Variants in MTUS2 observed in about 807,000 individuals in gnomAD.
The protein encoded by MTUS2 is microtubule-associated tumor suppressor candidate 2.
A neutral mutation model predicts 114.1 loss-of-function variants in MTUS2; 40 were observed. The ratio of observed to expected loss-of-function variants is 0.35; its 90% CI spans 0.27 to 0.46. The LOEUF is 0.46. Ranked by LOEUF, MTUS2 falls within the 20% of genes least tolerant of loss-of-function variation. The pLI, the probability that MTUS2 is intolerant of heterozygous loss-of-function variation, is 1.00. For synonymous variants in MTUS2, 688 were observed against 672.0 expected, an observed-to-expected ratio of 1.02 and a Z score of -0.37; for missense variants, 1,679 against 1,705.4, an observed-to-expected ratio of 0.98 and a Z score of 0.27.
chr13:29,213,808 G>A (rs1272973109), intron 5 of MTUS2, among the ~76,000 whole-genome samples: 1 of 152,004 alleles, frequency 6.6e-6, no homozygotes, highest in Non-Finnish European at 1.5e-5. Context: ...TACATTTGAT[G>A]TTATTACTGA....
chr13:29,182,677 A>G (rs1331169436), intron 5 of MTUS2, among the ~76,000 whole-genome samples: 2 of 152,244 alleles, frequency 1.3e-5, no homozygotes, highest in Non-Finnish European at 2.9e-5. Context: ...AGTAATAAAT[A>G]TAATAAATAA....
chr13:29,470,164 G>A (rs1880173078), intron 9 of MTUS2, among the ~76,000 whole-genome samples: 3 of 152,094 alleles, frequency 2.0e-5, no homozygotes, highest in Admixed American at 1.3e-4. Flanking sequence ...CGCACTGGGG[G>A]AGTTTAATAA....
chr13:29,491,819 GGT>G (rs151170147), intron 11 of MTUS2, among the ~76,000 whole-genome samples: 31 of 142,054 alleles, frequency 2.2e-4, no homozygotes, highest in Admixed American at 7.7e-4. Context: ...GTGTGGGGTA[GGT>G]GTGTGTGTGT....
chr13:29,051,036 T>G (rs1033345889), intron 4 of MTUS2, among the ~76,000 whole-genome samples: 3 of 152,214 alleles, frequency 2.0e-5, no homozygotes, highest in African/African-American at 7.2e-5. Context: ...ACAAAAGTTT[T>G]AAACATCATC....
intron 4 of MTUS2, among the ~76,000 whole-genome samples, chr13:29,089,995 C>A (rs1301397162): frequency 6.6e-6 from 1 of 152,200 alleles, no homozygotes; most frequent in African/African-American, 2.4e-5. Flanking sequence ...ATTTGGATGT[C>A]TTAAGACACT....
intron 2 of MTUS2, among the ~76,000 whole-genome samples, chr13:28,962,043 A>G (rs1255152861): frequency 1.3e-5 from 2 of 151,416 alleles, no homozygotes; most frequent in Non-Finnish European, 2.9e-5. Context: ...TATATATTTT[A>G]TATACATATT....
At chr13:29,096,619 C>T (rs2138801803) in intron 4 of MTUS2, among the ~76,000 whole-genome samples, 1 of 152,304 alleles carries the variant, frequency 6.6e-6, no homozygotes, top group East Asian at 1.9e-4. Context: ...TGCCGTTAGG[C>T]CCAAACTTCC....
Position 28,911,845 on chromosome 13 carries a change from G to GTT in MTUS2, c.-243+72012_-243+72013dup, listed in dbSNP as rs202187530. 1.5e-3 allele frequency among the ~76,000 whole-genome samples: 151 copies of GTT among 103,814 alleles called. 2 individuals are homozygous for GTT. The highest frequency in any genetic ancestry group is 4.2e-3 in the African/African-American group (113 of 26,616). 68.1% of individuals were successfully genotyped at this position (103,814 alleles called of 152,430 possible). A position where few individuals can be genotyped will look rare whatever the true frequency, so the allele number is the denominator to read the frequency against. ...TCATATTCTTTGCCCACTTTTTAATGTTTTTTTTTTTTTTTTTTGTAAATT... is the reference window on the plus strand; with the variant it reads ...TCATATTCTTTGCCCACTTTTTAATGTTTTTTTTTTTTTTTTTTTTGTAAATT... On this transcript the variant is annotated intron_variant, in intron 2 of 15. Transcript: ENST00000612955.
Position 28,938,624 on chromosome 13 carries a change from G to A in MTUS2, c.-242-85833G>A, listed in dbSNP as rs1419809219. Among the ~76,000 whole-genome samples, 4 of 152,070 alleles carry A rather than the reference G, an allele frequency of 2.6e-5. No homozygotes were observed. The East Asian group carries it at 7.7e-4, about 29-fold the overall frequency. ...TTGCTTACTAACATGTGGTACCCAA[G>A]TATGAGATGCCCCCAAATTCTCTGT... On this transcript the variant is annotated intron_variant, in intron 2 of 15. Transcript: ENST00000612955.
chr13:29,172,257 G>C (rs1486748075), intron 5 of MTUS2, among the ~76,000 whole-genome samples: 5 of 152,204 alleles, frequency 3.3e-5, no homozygotes, highest in Non-Finnish European at 1.5e-5. Flanking sequence ...CATGGATGCA[G>C]AACTTGACAA....
chr13:28,858,808 T>C (rs1876792169), intron 2 of MTUS2, among the ~76,000 whole-genome samples: 1 of 152,044 alleles, frequency 6.6e-6, no homozygotes, highest in South Asian at 2.1e-4. Flanking sequence ...TTTAGCTGGA[T>C]GAGTGACAGA....
intron 2 of MTUS2, among the ~76,000 whole-genome samples, chr13:29,005,653 A>G (rs541983305): frequency 5.8e-4 from 88 of 152,354 alleles, no homozygotes; most frequent in Non-Finnish European, 1.1e-3. Flanking sequence ...ACAAGGAAGC[A>G]GGGAACTCTG....
intron 7 of MTUS2, among the ~76,000 whole-genome samples, chr13:29,340,895 C>T (rs1243567101): frequency 2.6e-5 from 4 of 152,206 alleles, no homozygotes; most frequent in Admixed American, 1.3e-4. Context: ...TGAGAACATA[C>T]AATGTTTAGT....
chr13:29,326,330 G>A (rs965293704), intron 7 of MTUS2, among the ~76,000 whole-genome samples: 4 of 152,126 alleles, frequency 2.6e-5, no homozygotes, highest in Admixed American at 1.3e-4. Context: ...CTACTTAGTC[G>A]ACTAAGATGT....
chr13:29,434,486 C>T (rs947257708), intron 8 of MTUS2, among the ~76,000 whole-genome samples: 2 of 152,188 alleles, frequency 1.3e-5, no homozygotes, highest in Admixed American at 6.5e-5. Context: ...CTGCCAGGCA[C>T]ATAGTAGGCA....
chr13:29,373,257 A>G (rs1871332609), intron 8 of MTUS2, among the ~76,000 whole-genome samples: 1 of 152,172 alleles, frequency 6.6e-6, no homozygotes, highest in African/African-American at 2.4e-5. Flanking sequence ...CCAGAGGGAA[A>G]CTGTAAGGGA....
intron 5 of MTUS2, among the ~76,000 whole-genome samples, chr13:29,177,582 A>G (rs528769425): frequency 3.9e-5 from 6 of 152,166 alleles, no homozygotes; most frequent in Non-Finnish European, 8.8e-5. Flanking sequence ...TTCTCAGTAG[A>G]TTCAAACTGG....
At chr13:28,886,708 A>G (rs1001794612) in intron 2 of MTUS2, among the ~76,000 whole-genome samples, 7 of 152,202 alleles carry the variant, frequency 4.6e-5, no homozygotes, top group African/African-American at 1.7e-4. Flanking sequence ...CTCTCCAGGA[A>G]TGTGCTCTCC....
At chr13:29,105,088 G>T (rs1378669299) in intron 5 of MTUS2, among the ~76,000 whole-genome samples, 1 of 152,156 alleles carries the variant, frequency 6.6e-6, no homozygotes, top group Non-Finnish European at 1.5e-5. Flanking sequence ...ATAGTCACTG[G>T]AGCATTTTGG....
Sources: gnomAD v4.1 joint callset for allele counts (sites outside exome capture counted in the v4.1 genomes callset) on GRCh38, gnomAD v4.1.1 for gene constraint, MANE v1.5 for transcripts, NCBI Gene and HGNC (gene_info 2026-07-23, HGNC 2026-07-21) for gene names.